The following MMS22L variants were observed in gnomAD, a reference collection of about 807,000 sequenced individuals.
MMS22L encodes MMS22 like, DNA repair protein, also known as protein MMS22-like.
Under a neutral mutation model 159.1 loss-of-function variants are expected in MMS22L, and 74 were observed. The ratio of observed to expected loss-of-function variants is 0.47; its 90% CI spans 0.39 to 0.56. MMS22L has a LOEUF of 0.56. Among genes scored for constraint, MMS22L ranks in the 20% least tolerant of loss-of-function variants. The pLI is 0.00. For missense variants in MMS22L, 1,351 were observed against 1,422.1 expected (o/e 0.95, Z 0.80); for synonymous variants, 517 against 506.9 (o/e 1.02, Z -0.27).
intron 11 of MMS22L, among the ~76,000 whole-genome samples, chr6:97,241,488 C>A (rs1020114429): frequency 1.3e-5 from 2 of 152,046 alleles, no homozygotes; most frequent in Admixed American, 1.3e-4. Flanking sequence ...TAAATTATGG[C>A]CATTCTTGCA....
At chr6:97,268,075 TTTAAA>T in intron 7 of MMS22L, 73 bp from the exon 8 acceptor site, 2 of 1,058,804 alleles carry the variant, frequency 1.9e-6, no homozygotes, top group Non-Finnish European at 2.5e-6. Flanking sequence ...ACTGTACATC[TTTAAA>T]TTATAACAAA....
chr6:97,213,419 A>G (rs1189187443), intron 14 of MMS22L, among the ~76,000 whole-genome samples: 1 of 152,168 alleles, frequency 6.6e-6, no homozygotes, highest in Non-Finnish European at 1.5e-5. Flanking sequence ...AAAAAAAGAA[A>G]GAGGTTGTAG....
At chr6:97,165,854 T>C (rs921505761) in intron 20 of MMS22L, among the ~76,000 whole-genome samples, 4 of 152,288 alleles carry the variant, frequency 2.6e-5, no homozygotes, top group Admixed American at 6.5e-5. Flanking sequence ...TCTAAGACTA[T>C]ACAATTTTTG....
chr6:97,246,622 G>T lies in MMS22L; in HGVS notation c.1182+6C>A. The T allele has an allele frequency of 6.2e-7, 1 of 1,601,662 alleles. No individual in the cohort carries two copies. The highest frequency in any genetic ancestry group is 8.5e-7 in the Non-Finnish European group (1 of 1,174,474). Reference sequence around the variant, plus strand: ...ATCCACAAACTGTCTTACTTTAATTGCATACCTGAACACTGATGGACTTTT... The same window carrying T: ...ATCCACAAACTGTCTTACTTTAATTTCATACCTGAACACTGATGGACTTTT... On this transcript the variant is annotated splice_donor_region_variant and intron_variant, in intron 11 of 24. Transcript: ENST00000683635.
chr6:97,157,919 G>A (rs1802028383), intron 22 of MMS22L, among the ~76,000 whole-genome samples: 1 of 152,106 alleles, frequency 6.6e-6, no homozygotes, highest in African/African-American at 2.4e-5. Context: ...TGTAACTCTG[G>A]TAGAAATCAG....
chr6:97,154,012 T>G (rs868270048), intron 22 of MMS22L, among the ~76,000 whole-genome samples: 20 of 152,296 alleles, frequency 1.3e-4, no homozygotes, highest in South Asian at 1.0e-3. Context: ...ATACAGTAAC[T>G]CCATATTTAA....
intron 14 of MMS22L, among the ~76,000 whole-genome samples, chr6:97,214,879 A>C (rs933916981): frequency 1.3e-5 from 2 of 150,896 alleles, no homozygotes; most frequent in East Asian, 3.9e-4. Flanking sequence ...TTGTTTGCAC[A>C]GTCCTGTTAC....
Position 97,253,275 on chromosome 6 carries a change from GACT to G in MMS22L, c.1119+1279_1119+1281del, listed in dbSNP as rs377050643. Among the ~76,000 whole-genome samples the G allele has an allele frequency of 1.3e-3, 200 of 152,174 alleles. 1 individual carries two copies. Among genetic ancestry groups the G allele is most frequent in the African/African-American group, 4.6e-3 (189 of 41,516 alleles). The stretch of plus-strand genomic sequence containing the variant: ...TAACTAACCCTCAGATTCCATGGAT[GACT>G]TCTCAAAGCTGGGTCTATCCAATAT... On this transcript the variant is annotated intron_variant, in intron 10 of 24. Transcript: ENST00000683635.
chr6:97,248,978 TCTAA>T (rs1276651168), intron 10 of MMS22L, among the ~76,000 whole-genome samples: 11 of 152,034 alleles, frequency 7.2e-5, no homozygotes, highest in Admixed American at 7.2e-4. Context: ...TACTGGATAA[TCTAA>T]CTATGTGATA....
Position 97,143,348 on chromosome 6 carries a change from G to A in MMS22L, c.*3458C>T, listed in dbSNP as rs1389878130. The A allele has an allele frequency of 1.3e-5, 2 of 152,230 alleles. No homozygotes were observed. The highest frequency in any genetic ancestry group is 2.9e-5 in the Non-Finnish European group (2 of 68,076). The allele number at this position is 152,230 out of a possible 1,614,324, so 9.4% of individuals were successfully genotyped here. On this transcript the variant is annotated 3_prime_UTR_variant, in exon 25 of 25. Transcript: ENST00000683635. Reference sequence around the variant, plus strand: ...TGGCAATCAGAGAAAGCTGCTAAATGAGCCTCTTGTTTGGAAAGAGATAAG... The same window carrying A: ...TGGCAATCAGAGAAAGCTGCTAAATAAGCCTCTTGTTTGGAAAGAGATAAG...
At chr6:97,192,852 T>C (rs1562442000) in intron 14 of MMS22L, among the ~76,000 whole-genome samples, 1 of 152,190 alleles carries the variant, frequency 6.6e-6, no homozygotes, top group Non-Finnish European at 1.5e-5. Flanking sequence ...TACTTTATTG[T>C]CCTCATTTTA....
chr6:97,251,690 A>C (rs1157022393), intron 10 of MMS22L, among the ~76,000 whole-genome samples: 1 of 152,232 alleles, frequency 6.6e-6, no homozygotes, highest in African/African-American at 2.4e-5. Flanking sequence ...ACAAATATTA[A>C]AAGACGCAAG....
intron 11 of MMS22L, among the ~76,000 whole-genome samples, chr6:97,244,741 A>C (rs193089839): frequency 6.6e-6 from 1 of 152,198 alleles, no homozygotes; most frequent in Admixed American, 6.5e-5. Context: ...ATGTGAGTTA[A>C]TACTCCTTAA....
chr6:97,221,161 T>C (rs937431151), intron 14 of MMS22L, among the ~76,000 whole-genome samples: 1 of 152,202 alleles, frequency 6.6e-6, no homozygotes, highest in African/African-American at 2.4e-5. Context: ...TTGCATATAA[T>C]TCCCAAAACA....
intron 14 of MMS22L, among the ~76,000 whole-genome samples, chr6:97,198,914 A>G (rs1162002525): frequency 1.3e-5 from 2 of 152,150 alleles, no homozygotes; most frequent in Non-Finnish European, 2.9e-5. Flanking sequence ...AACTTTATTC[A>G]GTTCTTGCTG....
At chr6:97,234,314 T>C (rs1811172204) in intron 11 of MMS22L, among the ~76,000 whole-genome samples, 1 of 152,036 alleles carries the variant, frequency 6.6e-6, no homozygotes, top group African/African-American at 2.4e-5. Context: ...GTGGCAAAAA[T>C]GATGTAACGA....
intron 8 of MMS22L, chr6:97,264,867 T>A (rs974108658): frequency 2.6e-5 from 4 of 151,498 alleles, no homozygotes; most frequent in Non-Finnish European, 5.9e-5. Flanking sequence ...CACTGAAAAA[T>A]AAAAAACACT....
Position 97,168,208 on chromosome 6 carries a change from C to T in MMS22L, c.2872G>A (p.Ala958Thr). ...ILVKSWAQIF[A>T]TSKAQKLLFR... ...AGTAATTTTTGGGCTTTAGAAGTGG[C>T]AAAGATTTGTGCCCATGATTTCACA... Residue 958 changes from alanine to threonine, a missense_variant, in exon 20 of 25, where the codon GCC (alanine) becomes ACC (threonine). By Grantham distance (58) the Ala-to-Thr change is moderately conservative. Transcript: ENST00000683635. 3.1e-6 allele frequency: 5 copies of T among 1,612,634 alleles called. No homozygotes were observed. The highest frequency in any genetic ancestry group is 4.2e-6 in the Non-Finnish European group (5 of 1,179,226).
chr6:97,182,829 T>C (rs559271276), intron 15 of MMS22L, among the ~76,000 whole-genome samples: 2 of 152,264 alleles, frequency 1.3e-5, no homozygotes, highest in South Asian at 4.1e-4. Context: ...TTGAATTTCA[T>C]ATCATCAGGT....
Sources: gnomAD v4.1 joint callset for allele counts (sites outside exome capture counted in the v4.1 genomes callset) on GRCh38, gnomAD v4.1.1 for gene constraint, MANE v1.5 for transcripts, NCBI Gene and HGNC (gene_info 2026-07-23, HGNC 2026-07-21) for gene names.